The following MTUS2 variants were observed in gnomAD, a reference collection of about 807,000 sequenced individuals.
The protein encoded by MTUS2 is microtubule associated scaffold protein 2, also known as microtubule-associated tumor suppressor candidate 2.
In MTUS2, 40 loss-of-function variants were observed where a neutral mutation model predicts 114.1. That is an observed-to-expected ratio of 0.35 (90% CI 0.27 to 0.46). The LOEUF is 0.46. MTUS2 is among the 20% of genes least tolerant of loss of function. The probability of loss-of-function intolerance (pLI) is 1.00; values close to 1 mark genes in which losing one functional copy is unlikely to be tolerated. For missense variants in MTUS2, 1,679 were observed against 1,705.4 expected (o/e 0.98, Z 0.27); for synonymous variants, 688 against 672.0 (o/e 1.02, Z -0.37).
chr13:29,300,656 C>A (rs1204882218), intron 6 of MTUS2, among the ~76,000 whole-genome samples: 1 of 151,836 alleles, frequency 6.6e-6, no homozygotes, highest in Non-Finnish European at 1.5e-5. Flanking sequence ...GAAGAAATGC[C>A]AAATACTAAG....
intron 6 of MTUS2, chr13:29,306,884 C>T (rs9508343): frequency 0.81 from 406,229 of 499,278 alleles, 168,122 homozygotes; most frequent in Admixed American, 0.91. Context: ...ATCAGTGACC[C>T]CTTCATTGAC....
At chr13:28,875,102 T>C (rs939903366) in intron 2 of MTUS2, among the ~76,000 whole-genome samples, 5 of 151,190 alleles carry the variant, frequency 3.3e-5, no homozygotes, top group South Asian at 2.1e-4. Context: ...AAAAATGTGT[T>C]AAATGAATGA....
chr13:29,273,692 T>C (rs532344388), intron 5 of MTUS2, among the ~76,000 whole-genome samples: 2 of 152,308 alleles, frequency 1.3e-5, no homozygotes, highest in South Asian at 2.1e-4. Flanking sequence ...CCTGAATCAA[T>C]TAGCAGTCAC....
At chr13:29,064,386 G>C (rs959087711) in intron 4 of MTUS2, among the ~76,000 whole-genome samples, 1 of 101,644 alleles carries the variant, frequency 9.8e-6, no homozygotes, top group African/African-American at 3.8e-5. Flanking sequence ...GTCTACGTTT[G>C]GAGGTTTTTT....
chr13:28,934,468 T>G (rs1881784660), intron 2 of MTUS2, among the ~76,000 whole-genome samples: 2 of 152,234 alleles, frequency 1.3e-5, no homozygotes. Flanking sequence ...TTTTTATTTT[T>G]TTACCTCGGA....
At chr13:29,266,409 G>T (rs1897668728) in intron 5 of MTUS2, among the ~76,000 whole-genome samples, 1 of 152,088 alleles carries the variant, frequency 6.6e-6, no homozygotes, top group Admixed American at 6.5e-5. Flanking sequence ...AGAGATTAAT[G>T]CTTACAATGA....
In MTUS2 at chr13:29,389,351, G is replaced by A. The variant is rs8002427; in HGVS notation, c.3117+29878G>A. On this transcript the variant is annotated intron_variant, in intron 8 of 15. Coordinates refer to ENST00000612955, the MANE Select transcript of MTUS2 (RefSeq NM_001033602.4). The stretch of plus-strand genomic sequence containing the variant: ...TGTGTATATATGTATGCACGTGTGT[G>A]TATATATGTATGCACGTGTGTGTAT... 4.9e-5 allele frequency among the ~76,000 whole-genome samples: 3 copies of A among 61,016 alleles called. 1 individual carries two copies. The highest frequency in any genetic ancestry group is 6.4e-5 in the Non-Finnish European group (2 of 31,234). The allele number at this position is 61,016 out of a possible 152,430, so 40.0% of individuals were successfully genotyped here.
intron 5 of MTUS2, among the ~76,000 whole-genome samples, chr13:29,115,959 CATG>C (rs1891069944): frequency 6.6e-6 from 1 of 152,180 alleles, no homozygotes; most frequent in African/African-American, 2.4e-5. Flanking sequence ...CATAACAGAG[CATG>C]ATATCAACTA....
At chr13:28,984,903 C>T (rs1243332235) in intron 2 of MTUS2, among the ~76,000 whole-genome samples, 3 of 152,204 alleles carry the variant, frequency 2.0e-5, no homozygotes, top group African/African-American at 7.2e-5. Flanking sequence ...GTTTTCCTGT[C>T]AAATGAGTTA....
At chr13:28,966,188 C>T (rs1883573581) in intron 2 of MTUS2, among the ~76,000 whole-genome samples, 1 of 152,070 alleles carries the variant, frequency 6.6e-6, no homozygotes, top group Non-Finnish European at 1.5e-5. Context: ...TAATACTTAG[C>T]AAATTAAAGA....
rs1229031274 is a variant in MTUS2, at chr13:29,031,044, C to T, written c.2206-2841C>T. ...CAGGGACACTCCCTCCCTCCAACAACTTGGGAGCCCTTTTTATTTTTGGTA... is the reference window on the plus strand; with the variant it reads ...CAGGGACACTCCCTCCCTCCAACAATTTGGGAGCCCTTTTTATTTTTGGTA... On this transcript the variant is annotated intron_variant, in intron 3 of 15. Coordinates refer to ENST00000612955, the MANE Select transcript of MTUS2 (RefSeq NM_001033602.4). Among the ~76,000 whole-genome samples the T allele has an allele frequency of 2.6e-5, 4 of 152,080 alleles. No homozygotes were observed. The East Asian group carries it at 7.7e-4, about 29-fold the overall frequency.
At position 29,024,506 on chromosome 13, in the gene MTUS2, C is replaced by CT; in HGVS notation, c.-191dup. 1 of 635,202 alleles carries CT rather than the reference C, an allele frequency of 1.6e-6. No individual in the cohort carries two copies. Among genetic ancestry groups the CT allele is most frequent in the South Asian group, 2.2e-5 (1 of 45,904 alleles). The allele number at this position is 635,202 out of a possible 1,614,324, so 39.3% of individuals were successfully genotyped here. A position where few individuals can be genotyped will look rare whatever the true frequency, so the allele number is the denominator to read the frequency against. ...TTCAGCAGGAACCTAACAGATAAGT[C>CT]TTCCTGCTGTATATCAAGACAATGC... On this transcript the variant is annotated 5_prime_UTR_variant, in exon 3 of 16. Coordinates refer to ENST00000612955, the MANE Select transcript of MTUS2 (RefSeq NM_001033602.4).
intron 9 of MTUS2, among the ~76,000 whole-genome samples, chr13:29,469,045 T>A (rs1053715410): frequency 1.3e-5 from 2 of 152,182 alleles, no homozygotes; most frequent in African/African-American, 4.8e-5. Flanking sequence ...AATTTTAGGA[T>A]GCTAGGACAG....
At chr13:29,358,921 C>T (rs1313406584) in intron 7 of MTUS2, among the ~76,000 whole-genome samples, 1 of 144,462 alleles carries the variant, frequency 6.9e-6, no homozygotes, top group Non-Finnish European at 1.5e-5. Flanking sequence ...TGATTAATTT[C>T]CCATTAGACA....
chr13:29,283,182 G>A (rs1001514754), intron 6 of MTUS2, among the ~76,000 whole-genome samples: 19 of 152,184 alleles, frequency 1.2e-4, no homozygotes, highest in African/African-American at 4.6e-4. Flanking sequence ...TTATCCCAAA[G>A]TTCTTTTACT....
At chr13:29,337,955 A>ATTTTTTTTT (rs34068964) in intron 7 of MTUS2, among the ~76,000 whole-genome samples, 1 of 143,416 alleles carries the variant, frequency 7.0e-6, no homozygotes, top group Non-Finnish European at 1.5e-5. Context: ...TGCCCTGCTA[A>ATTTTTTTTT]TTTTTTTTTT....
intron 2 of MTUS2, among the ~76,000 whole-genome samples, chr13:28,853,338 T>C (rs993678319): frequency 3.4e-4 from 52 of 152,278 alleles, no homozygotes; most frequent in African/African-American, 1.3e-3. Context: ...GTTCTCCATG[T>C]TCCTACTGGT....
At chr13:29,343,749 G>C (rs1868390347) in intron 7 of MTUS2, among the ~76,000 whole-genome samples, 1 of 151,824 alleles carries the variant, frequency 6.6e-6, no homozygotes, top group Non-Finnish European at 1.5e-5. Context: ...TAGATTGTCT[G>C]TTTGTCCTCT....
intron 2 of MTUS2, among the ~76,000 whole-genome samples, chr13:28,940,002 A>G (rs1180545649): frequency 6.6e-6 from 1 of 152,194 alleles, no homozygotes; most frequent in Admixed American, 6.5e-5. Context: ...CACTATCATG[A>G]GAACACAATT....
Sources: allele counts gnomAD v4.1 joint callset (sites outside exome capture counted in the v4.1 genomes callset), GRCh38; gene constraint gnomAD v4.1.1; transcripts MANE v1.5; gene names NCBI Gene and HGNC (gene_info 2026-07-23, HGNC 2026-07-21).